The following BRINP3 variants were observed in gnomAD, a reference collection of about 807,000 sequenced individuals.
The protein encoded by BRINP3 is BMP/retinoic acid inducible neural specific 3, also known as BMP/retinoic acid-inducible neural-specific protein 3.
Under a neutral mutation model 71.0 loss-of-function variants are expected in BRINP3, and 19 were observed. That is an observed-to-expected ratio of 0.27 (90% CI 0.19 to 0.39). BRINP3 has a LOEUF of 0.39. Ranked by LOEUF, BRINP3 falls within the 10% of genes least tolerant of loss-of-function variation. The pLI, the probability that BRINP3 is intolerant of heterozygous loss-of-function variation, is 1.00. For synonymous variants in BRINP3, 380 were observed against 337.7 expected, an observed-to-expected ratio of 1.13 and a Z score of -1.37; for missense variants, 959 against 940.8, an observed-to-expected ratio of 1.02 and a Z score of -0.25.
intron 2 of BRINP3, among the ~76,000 whole-genome samples, chr1:190,420,525 C>T (rs1673307408): frequency 6.6e-6 from 1 of 151,910 alleles, no homozygotes; most frequent in African/African-American, 2.4e-5. Flanking sequence ...GAAGATTTCA[C>T]ATTTCACAAA....
chr1:190,373,392 AAAAAT>A (rs1391495943), intron 2 of BRINP3, among the ~76,000 whole-genome samples: 7 of 151,856 alleles, frequency 4.6e-5, no homozygotes, highest in Admixed American at 2.0e-4. Flanking sequence ...TTTGTCTAAA[AAAAAT>A]AAAATAAAGT....
At chr1:190,324,412 C>T (rs940362604) in intron 2 of BRINP3, among the ~76,000 whole-genome samples, 2 of 151,854 alleles carry the variant, frequency 1.3e-5, no homozygotes, top group African/African-American at 2.4e-5. Context: ...ACAGACATTT[C>T]CCCCTACAAA....
Position 190,234,434 on chromosome 1 carries a change from T to G in BRINP3, c.662A>C (p.Asp221Ala). The G allele has an allele frequency of 6.2e-7, 1 of 1,612,582 alleles. No homozygotes were observed. Residue 221 changes from aspartate to alanine, a missense_variant, in exon 5 of 8, where the codon GAC becomes GCC. Physicochemically the swap from Asp to Ala is moderately radical, Grantham distance 126. Transcript: ENST00000367462. The part of the protein sequence containing the change: ...RTGPLGCSNY[D>A]NLDSVSSVLV... ...AACAGAACTGACAGAATCTAGGTTG[T>G]CATAGTTACTGCAGCCAAGAGGACC... is the stretch of plus-strand genomic sequence containing the variant.
intron 2 of BRINP3, among the ~76,000 whole-genome samples, chr1:190,373,727 T>C (rs1334930395): frequency 6.6e-6 from 1 of 151,802 alleles, no homozygotes; most frequent in Non-Finnish European, 1.5e-5. Flanking sequence ...TCTGTCTTTT[T>C]GCTTCAGCTC....
intron 4 of BRINP3, among the ~76,000 whole-genome samples, chr1:190,248,007 C>A (rs1414142653): frequency 6.6e-6 from 1 of 151,856 alleles, no homozygotes; most frequent in Non-Finnish European, 1.5e-5. Context: ...GTAGCTCAAT[C>A]CATCTGATTC....
chr1:190,108,224 A>G (rs2102270762), intron 7 of BRINP3, among the ~76,000 whole-genome samples: 1 of 152,210 alleles, frequency 6.6e-6, no homozygotes, highest in Middle Eastern at 3.4e-3. Flanking sequence ...TAGTGGTTGG[A>G]ATAAAATTCT....
At chr1:190,117,239 C>T (rs567783294) in intron 7 of BRINP3, among the ~76,000 whole-genome samples, 1 of 152,044 alleles carries the variant, frequency 6.6e-6, no homozygotes, top group Admixed American at 6.5e-5. Context: ...CTATAAGAAG[C>T]TTGTGTCAGT....
chr1:190,375,926 A>G (rs1334293843), intron 2 of BRINP3, among the ~76,000 whole-genome samples: 1 of 151,954 alleles, frequency 6.6e-6, no homozygotes, highest in Non-Finnish European at 1.5e-5. Flanking sequence ...TTTAGATTTA[A>G]ATGAAAATGT....
At chr1:190,448,848 T>C (rs2102600112) in intron 2 of BRINP3, among the ~76,000 whole-genome samples, 1 of 152,102 alleles carries the variant, frequency 6.6e-6, no homozygotes, top group Middle Eastern at 3.4e-3. Context: ...TTTTATATGT[T>C]TGTCTTTATA....
At chr1:190,455,212 G>A (rs1306391556) in intron 1 of BRINP3, among the ~76,000 whole-genome samples, 2 of 151,906 alleles carry the variant, frequency 1.3e-5, no homozygotes, top group Admixed American at 6.6e-5. Context: ...AGCCTATTGA[G>A]CAAAAATCAG....
chr1:190,141,508 CTCTT>C (rs1026400599), intron 7 of BRINP3, among the ~76,000 whole-genome samples: 2 of 150,160 alleles, frequency 1.3e-5, no homozygotes, highest in Admixed American at 1.3e-4. Flanking sequence ...TATTTTAATC[CTCTT>C]TCTTTCTCTT....
chr1:190,101,533 C>A (rs1370948325), intron 7 of BRINP3, among the ~76,000 whole-genome samples: 1 of 152,102 alleles, frequency 6.6e-6, no homozygotes, highest in Non-Finnish European at 1.5e-5. Context: ...CAATCACATT[C>A]TTTCCTCCTT....
At chr1:190,200,869 C>A (rs1190441267) in intron 6 of BRINP3, among the ~76,000 whole-genome samples, 1 of 152,076 alleles carries the variant, frequency 6.6e-6, no homozygotes, top group Non-Finnish European at 1.5e-5. Context: ...GGCCTCCCAA[C>A]CCAGGTGGAC....
chr1:190,177,499 C>T (rs1413306322), intron 6 of BRINP3, among the ~76,000 whole-genome samples: 1 of 151,636 alleles, frequency 6.6e-6, no homozygotes, highest in Non-Finnish European at 1.5e-5. Context: ...ACTTCTAGCA[C>T]AATTTCTGTA....
intron 2 of BRINP3, among the ~76,000 whole-genome samples, chr1:190,364,052 C>T (rs1237636479): frequency 2.6e-5 from 2 of 75,648 alleles, no homozygotes; most frequent in South Asian, 4.3e-4. Context: ...AATTCACAAT[C>T]TCCTTCTTAG....
intron 7 of BRINP3, among the ~76,000 whole-genome samples, chr1:190,114,112 T>A (rs1557978336): frequency 6.6e-6 from 1 of 152,134 alleles, no homozygotes; most frequent in Non-Finnish European, 1.5e-5. Flanking sequence ...AGAGTTCTCA[T>A]GAATGGAGTG....
intron 4 of BRINP3, among the ~76,000 whole-genome samples, chr1:190,244,699 G>C (rs865918084): frequency 1.3e-5 from 2 of 152,006 alleles, no homozygotes; most frequent in Non-Finnish European, 2.9e-5. Flanking sequence ...CTAAAGCAGG[G>C]AACCTCGTTA....
chr1:190,385,812 CAA>C (rs1670852471), intron 2 of BRINP3, among the ~76,000 whole-genome samples: 1 of 150,910 alleles, frequency 6.6e-6, no homozygotes, highest in African/African-American at 2.4e-5. Flanking sequence ...TTCACAATAG[CAA>C]AGACTTGGAA....
chr1:190,205,074 T>A (rs1031297126), intron 6 of BRINP3, among the ~76,000 whole-genome samples: 5 of 152,038 alleles, frequency 3.3e-5, no homozygotes, highest in African/African-American at 1.2e-4. Flanking sequence ...GATATGGTTC[T>A]CTTTTCCACC....
Sources: gnomAD v4.1 joint callset for allele counts (sites outside exome capture counted in the v4.1 genomes callset) on GRCh38, gnomAD v4.1.1 for gene constraint, MANE v1.5 for transcripts, NCBI Gene and HGNC (gene_info 2026-07-23, HGNC 2026-07-21) for gene names.